The following EPS8 variants were observed in gnomAD, a reference collection of about 807,000 sequenced individuals.
The protein encoded by EPS8 is epidermal growth factor receptor kinase substrate 8.
A neutral mutation model predicts 103.8 loss-of-function variants in EPS8; 42 were observed. The observed-to-expected ratio is 0.40, with a 90% CI of 0.32 to 0.52. The LOEUF (loss-of-function observed/expected upper bound fraction) is 0.52. Among genes scored for constraint, EPS8 ranks in the 20% least tolerant of loss-of-function variants. The pLI is 0.40. For missense variants in EPS8, 969 were observed against 1,005.1 expected (o/e 0.96, Z 0.49); for synonymous variants, 344 against 344.6 (o/e 1.00, Z 0.02).
rs374572685 is a variant in EPS8 at position 15,692,579 on chromosome 12, A to C, written c.-21-9607T>G. On this transcript the variant is annotated intron_variant, in intron 1 of 20. Transcript: ENST00000281172. The stretch of plus-strand genomic sequence containing the variant: ...ACAATAGGCCTTTTCAAACTTGAAA[A>C]TCATTTTCCTAAAGTCCGGGAAATT... 1.1e-4 allele frequency among the ~76,000 whole-genome samples: 17 copies of C among 151,972 alleles called. 1 individual carries two copies. Among genetic ancestry groups the C allele is most frequent in the Admixed American group, 9.8e-4 (15 of 15,248 alleles).
chr12:15,766,052 G>C (rs1565535796), intron 1 of EPS8, among the ~76,000 whole-genome samples: 1 of 151,444 alleles, frequency 6.6e-6, no homozygotes. Flanking sequence ...CTGACCTGAT[G>C]ATCCGCCTGC....
intron 13 of EPS8, among the ~76,000 whole-genome samples, chr12:15,652,114 A>G (rs111456527): frequency 2.0e-5 from 3 of 152,306 alleles, no homozygotes; most frequent in African/African-American, 7.2e-5. Context: ...TAAGTGATCT[A>G]CAATGGAATA....
intron 7 of EPS8, among the ~76,000 whole-genome samples, chr12:15,666,167 C>T (rs1159822740): frequency 6.6e-6 from 1 of 152,142 alleles, no homozygotes; most frequent in Non-Finnish European, 1.5e-5. Context: ...GCTTGTATTT[C>T]CCTAGGATAC....
Position 15,714,935 on chromosome 12 carries a change from CT to C in EPS8, c.-21-31964del, listed in dbSNP as rs1384092359. Among the ~76,000 whole-genome samples, 2 of 152,174 alleles carry C rather than the reference CT, an allele frequency of 1.3e-5. No homozygotes were observed. The highest frequency in any genetic ancestry group is 4.8e-5 in the African/African-American group (2 of 41,446). On this transcript the variant is annotated intron_variant, in intron 1 of 20. Coordinates refer to ENST00000281172, the MANE Select transcript of EPS8 (RefSeq NM_004447.6). The surrounding 1 kb of genome is among the most constrained non-coding windows in gnomAD (Gnocchi z 4.1). Reference sequence around the variant, plus strand: ...AGCTCCTGACCACTGTATGCTGCAACTCCTTATTCCTGAAAATTCTGACCCA... The same window carrying C: ...AGCTCCTGACCACTGTATGCTGCAACCCTTATTCCTGAAAATTCTGACCCA...
At chr12:15,651,542 T>G (rs1267122897) in intron 13 of EPS8, among the ~76,000 whole-genome samples, 1 of 152,222 alleles carries the variant, frequency 6.6e-6, no homozygotes, top group African/African-American at 2.4e-5. Flanking sequence ...GCCAGTTTTA[T>G]AAATTAAATG....
At chr12:15,774,485 TC>T (rs1413388281) in intron 1 of EPS8, among the ~76,000 whole-genome samples, 2 of 151,226 alleles carry the variant, frequency 1.3e-5, no homozygotes, top group Non-Finnish European at 2.9e-5. Flanking sequence ...AATGACTTCT[TC>T]CTCCCTGTTA....
At chr12:15,786,764 T>C (rs1395909022) in intron 1 of EPS8, among the ~76,000 whole-genome samples, 1 of 152,152 alleles carries the variant, frequency 6.6e-6, no homozygotes, top group African/African-American at 2.4e-5. Context: ...TATATTCAAC[T>C]TAAAATGTTT....
intron 1 of EPS8, among the ~76,000 whole-genome samples, chr12:15,724,257 G>C (rs1344159242): frequency 1.3e-5 from 2 of 152,028 alleles, no homozygotes; most frequent in Non-Finnish European, 2.9e-5. Context: ...CTTAGACCCA[G>C]AAAGAAAAAG....
At chr12:15,692,310 A>G (rs1398451731) in intron 1 of EPS8, among the ~76,000 whole-genome samples, 1 of 140,954 alleles carries the variant, frequency 7.1e-6, no homozygotes, top group East Asian at 2.2e-4. Flanking sequence ...GTAGATTGAA[A>G]GAGGTTTGGT....
At chr12:15,651,136 G>T in intron 13 of EPS8, 130 bp from the exon 14 acceptor site, 1 of 641,260 alleles carries the variant, frequency 1.6e-6, no homozygotes, top group Non-Finnish European at 2.6e-6. Flanking sequence ...ACAGCACATA[G>T]ACCTAATCTG....
At chr12:15,661,879 C>A in intron 9 of EPS8, 147 bp downstream of exon 9, 1 of 575,734 alleles carries the variant, frequency 1.7e-6, no homozygotes, top group Non-Finnish European at 3.0e-6. Flanking sequence ...ATTCAAAGGG[C>A]AAATTCAAAG....
intron 1 of EPS8, among the ~76,000 whole-genome samples, chr12:15,770,627 T>TAAAC (rs1401560188): frequency 6.6e-6 from 1 of 152,222 alleles, no homozygotes; most frequent in Non-Finnish European, 1.5e-5. Flanking sequence ...ATGGTTTACT[T>TAAAC]ATTAAATCTG....
intron 8 of EPS8, among the ~76,000 whole-genome samples, chr12:15,663,829 G>A (rs1314502565): frequency 6.7e-6 from 1 of 149,520 alleles, no homozygotes; most frequent in Non-Finnish European, 1.5e-5. Flanking sequence ...GGCTGAGGCA[G>A]GAGAATCGCT....
intron 10 of EPS8, among the ~76,000 whole-genome samples, chr12:15,659,958 T>G (rs1216386354): frequency 6.6e-6 from 1 of 152,216 alleles, no homozygotes; most frequent in African/African-American, 2.4e-5. Flanking sequence ...ATGGTTCTAG[T>G]TTACAACAGA....
rs371771269 is a variant in EPS8 at position 15,700,280 on chromosome 12, G to A, written c.-21-17308C>T. Among the ~76,000 whole-genome samples, 7 of 152,112 alleles carry A rather than the reference G, an allele frequency of 4.6e-5. No homozygotes were observed. Among genetic ancestry groups the A allele is most frequent in the East Asian group, 3.9e-4 (2 of 5,190 alleles). On this transcript the variant is annotated intron_variant, in intron 1 of 20. Coordinates refer to ENST00000281172, the MANE Select transcript of EPS8 (RefSeq NM_004447.6). The surrounding 1 kb of genome is among the most constrained non-coding windows in gnomAD (Gnocchi z 5.1). ...TGTGGTTATGAAGAACCACTCTAAC[G>A]TATTCTTTTCTATCTTCTAAACAAT...
At position 15,676,239 on chromosome 12, in the gene EPS8, G is replaced by A. The variant is rs1049757823; in HGVS notation, c.136+4987C>T. On this transcript the variant is annotated intron_variant, in intron 3 of 20. Coordinates refer to ENST00000281172, the MANE Select transcript of EPS8 (RefSeq NM_004447.6). ...TGCGCCACTGCACTCCAGCCTGGGCGACAGGGCAAGACTCCATCTCAAAAA... is the reference window on the plus strand; with the variant it reads ...TGCGCCACTGCACTCCAGCCTGGGCAACAGGGCAAGACTCCATCTCAAAAA... 6.7e-5 allele frequency among the ~76,000 whole-genome samples: 8 copies of A among 119,876 alleles called. No homozygotes were observed. In the Admixed American group the frequency reaches 7.1e-4, roughly 11 times the overall value. 78.6% of individuals were successfully genotyped at this position (119,876 alleles called of 152,430 possible).
intron 1 of EPS8, among the ~76,000 whole-genome samples, chr12:15,774,888 G>A (rs1386849752): frequency 2.6e-5 from 4 of 151,746 alleles, no homozygotes; most frequent in Non-Finnish European, 5.9e-5. Flanking sequence ...ATCCATGCAT[G>A]CTTAGTATTT....
chr12:15,663,065 C>T (rs1945635387), intron 8 of EPS8, among the ~76,000 whole-genome samples: 1 of 150,422 alleles, frequency 6.6e-6, no homozygotes. Context: ...CGGCTGTTAA[C>T]TACTTTAAGA....
rs1379532482 is a variant in EPS8 at position 15,670,843 on chromosome 12, C to T, written c.204+13G>A. On this transcript the variant is annotated intron_variant, in intron 4 of 20. Coordinates refer to ENST00000281172, the MANE Select transcript of EPS8 (RefSeq NM_004447.6). ...GGTCACTCTAAATACTAGCAAACAC[C>T]AAAGCATCTTACTTCAACACGGTAT... is the stretch of plus-strand genomic sequence containing the variant. The T allele has an allele frequency of 6.3e-7, 1 of 1,590,986 alleles. No homozygotes were observed. The highest frequency in any genetic ancestry group is 1.3e-5 in the African/African-American group (1 of 74,486).
Sources: allele counts gnomAD v4.1 joint callset (sites outside exome capture counted in the v4.1 genomes callset), GRCh38; gene constraint gnomAD v4.1.1; non-coding constraint Gnocchi (gnomAD v3.1); transcripts MANE v1.5; gene names NCBI Gene and HGNC (gene_info 2026-07-23, HGNC 2026-07-21).